The following FMN2 variants were observed in gnomAD, a reference collection of about 807,000 sequenced individuals.
FMN2 encodes formin 2.
A neutral mutation model predicts 142.3 loss-of-function variants in FMN2; 51 were observed. The observed-to-expected ratio is 0.36, with a 90% CI of 0.29 to 0.45. The LOEUF (loss-of-function observed/expected upper bound fraction) is 0.45. Ranked by LOEUF, FMN2 falls within the 20% of genes least tolerant of loss-of-function variation. FMN2 has a pLI of 1.00. For synonymous variants in FMN2, 882 were observed against 869.8 expected (o/e 1.01, Z -0.25); for missense variants, 1,936 against 2,122.8 (o/e 0.91, Z 1.73).
At chr1:240,142,143 G>A (rs1179228113) in intron 2 of FMN2, among the ~76,000 whole-genome samples, 9 of 152,144 alleles carry the variant, frequency 5.9e-5, no homozygotes, top group African/African-American at 2.2e-4. Flanking sequence ...CTGCATTTAA[G>A]CCTGTAGGTA....
intron 3 of FMN2, among the ~76,000 whole-genome samples, chr1:240,181,190 A>G (rs11587303): frequency 0.32 from 48,229 of 150,934 alleles, 8,300 homozygotes; most frequent in African/African-American, 0.45. Flanking sequence ...TTTTTGTAGA[A>G]ACGGGGTTTC....
intron 1 of FMN2, among the ~76,000 whole-genome samples, chr1:240,114,765 C>T (rs1030960488): frequency 1.3e-5 from 2 of 148,518 alleles, no homozygotes; most frequent in Non-Finnish European, 3.0e-5. Flanking sequence ...TCAGGTGATT[C>T]TCCTGCCTCA....
chr1:240,166,124 C>T (rs1272874963), intron 2 of FMN2, among the ~76,000 whole-genome samples: 1 of 149,560 alleles, frequency 6.7e-6, no homozygotes, highest in Admixed American at 6.7e-5. Context: ...TTATGTGTTC[C>T]ATGTTTTTTA....
At chr1:240,225,148 G>A (rs1401088778) in intron 6 of FMN2, among the ~76,000 whole-genome samples, 1 of 152,110 alleles carries the variant, frequency 6.6e-6, no homozygotes, top group Non-Finnish European at 1.5e-5. Context: ...CCTAAGAAAC[G>A]AGGCTTAAAA....
chr1:240,226,721 C>T (rs1348005317), intron 6 of FMN2, among the ~76,000 whole-genome samples: 1 of 151,910 alleles, frequency 6.6e-6, no homozygotes, highest in Admixed American at 6.6e-5. Flanking sequence ...AGAATGAGAC[C>T]TTGTCTCTAA....
At chr1:240,322,070 T>G (rs919191211) in intron 8 of FMN2, among the ~76,000 whole-genome samples, 5 of 152,124 alleles carry the variant, frequency 3.3e-5, no homozygotes, top group Non-Finnish European at 7.4e-5. Context: ...ACCCTTAGCC[T>G]ACAGTTGGAC....
At chr1:240,371,463 C>T (rs925994389) in intron 14 of FMN2, among the ~76,000 whole-genome samples, 5 of 152,106 alleles carry the variant, frequency 3.3e-5, no homozygotes, top group East Asian at 1.9e-4. Flanking sequence ...TAGTGACTGA[C>T]GTGAATCTTC....
Position 240,188,229 on chromosome 1 carries a change from A to G in FMN2, c.1953A>G (p.Glu651=), listed in dbSNP as rs773382052. The part of the protein sequence containing the change: ...AETESQSAVS[E]TPQKRSDAVQ... ...TAGAATCTCAATCTGCTGTTTCAGA[A>G]ACTCCCCAAAAACGCTCAGATGCTG... The change falls in exon 4 of 18, where the codon GAA becomes GAG. Residue 651 remains glutamate, a synonymous_variant. Coordinates refer to ENST00000319653, the MANE Select transcript of FMN2 (RefSeq NM_020066.5). 6.2e-7 allele frequency: 1 copy of G among 1,613,822 alleles called. No homozygotes were observed. Among genetic ancestry groups the G allele is most frequent in the African/African-American group, 1.3e-5 (1 of 74,890 alleles).
chr1:240,263,537 A>G (rs2102906471), intron 7 of FMN2, among the ~76,000 whole-genome samples: 1 of 152,320 alleles, frequency 6.6e-6, no homozygotes, highest in East Asian at 1.9e-4. Flanking sequence ...TTCACCATTG[A>G]AAGCCCATTT....
At chr1:240,254,016 G>A (rs1421527431) in intron 6 of FMN2, among the ~76,000 whole-genome samples, 2 of 152,116 alleles carry the variant, frequency 1.3e-5, no homozygotes, top group East Asian at 1.9e-4. Context: ...GAGCATGCCT[G>A]TCCTTTGGTC....
chr1:240,145,339 C>T, intron 2 of FMN2: 1 of 931,894 alleles, frequency 1.1e-6, no homozygotes, highest in Non-Finnish European at 1.6e-6. Context: ...GCTGCTGGGA[C>T]TGCACCAGCG....
At chr1:240,143,045 A>G (rs879218576) in intron 2 of FMN2, 2 of 1,496,042 alleles carry the variant, frequency 1.3e-6, no homozygotes, top group South Asian at 2.3e-5. Flanking sequence ...GCTGCCAGTC[A>G]CTGTGGTAGG....
At chr1:240,224,336 G>A (rs1413454913) in intron 6 of FMN2, among the ~76,000 whole-genome samples, 2 of 152,156 alleles carry the variant, frequency 1.3e-5, no homozygotes, top group Non-Finnish European at 2.9e-5. Flanking sequence ...TGATTGTACT[G>A]TGGTCTGAGA....
At chr1:240,321,153 G>GTT (rs547303909) in intron 8 of FMN2, among the ~76,000 whole-genome samples, 1 of 144,004 alleles carries the variant, frequency 6.9e-6, no homozygotes, top group South Asian at 2.2e-4. Context: ...AATTGAACTT[G>GTT]TTTTTTTTTT....
chr1:240,368,978 CAG>C (rs1433936497), intron 14 of FMN2, among the ~76,000 whole-genome samples: 6 of 136,332 alleles, frequency 4.4e-5, no homozygotes, highest in South Asian at 4.3e-4. Context: ...TATATAAACA[CAG>C]AGTAAAATTA....
intron 15 of FMN2, among the ~76,000 whole-genome samples, chr1:240,419,681 T>C (rs1674700887): frequency 1.3e-5 from 2 of 152,316 alleles, no homozygotes; most frequent in South Asian, 4.1e-4. Context: ...GAGTGATGGC[T>C]GCAGGTTTCT....
intron 7 of FMN2, among the ~76,000 whole-genome samples, chr1:240,282,723 G>C (rs988440679): frequency 4.6e-5 from 7 of 152,180 alleles, no homozygotes; most frequent in African/African-American, 1.7e-4. Context: ...AAGAATGCAA[G>C]TAGTATTTCC....
chr1:240,106,843 CCAG>C (rs1358445046), intron 1 of FMN2, among the ~76,000 whole-genome samples: 1 of 151,746 alleles, frequency 6.6e-6, no homozygotes. Context: ...ACCACCACGC[CCAG>C]CTAATTTTTG....
intron 15 of FMN2, among the ~76,000 whole-genome samples, chr1:240,417,960 C>A (rs1023526882): frequency 6.6e-6 from 1 of 151,828 alleles, no homozygotes; most frequent in Non-Finnish European, 1.5e-5. Context: ...ATACAATGTC[C>A]TTTTTTATTG....
Sources: allele counts gnomAD v4.1 joint callset (sites outside exome capture counted in the v4.1 genomes callset), GRCh38; gene constraint gnomAD v4.1.1; transcripts MANE v1.5; gene names NCBI Gene and HGNC (gene_info 2026-07-23, HGNC 2026-07-21).